Variants in SEC24D observed in about 807,000 individuals in gnomAD.
The protein encoded by SEC24D is protein transport protein Sec24D.
SEC24D carries 69 observed loss-of-function variants against 116.9 expected under a neutral mutation model. The observed-to-expected ratio is 0.59, with a 90% CI of 0.49 to 0.72. The LOEUF is 0.72. SEC24D is among the 30% of genes least tolerant of loss of function. The pLI is 0.00. For synonymous variants in SEC24D, 405 were observed against 442.8 expected, an observed-to-expected ratio of 0.91 and a Z score of 1.07; for missense variants, 1,131 against 1,264.1, an observed-to-expected ratio of 0.89 and a Z score of 1.60.
intron 6 of SEC24D, among the ~76,000 whole-genome samples, chr4:118,807,195 T>G (rs542964653): frequency 6.6e-5 from 10 of 152,274 alleles, no homozygotes; most frequent in Middle Eastern, 6.8e-3. Context: ...TATAAAGCAA[T>G]CCCATGTGGT....
chr4:118,825,917 T>C (rs905937841), intron 2 of SEC24D, among the ~76,000 whole-genome samples: 2 of 152,098 alleles, frequency 1.3e-5, no homozygotes, highest in Admixed American at 6.6e-5. Flanking sequence ...TAGAAAGGAA[T>C]TGACTGATGA....
intron 3 of SEC24D, among the ~76,000 whole-genome samples, chr4:118,821,349 T>C (rs56364904): frequency 0.044 from 6,648 of 152,274 alleles, 197 homozygotes; most frequent in Non-Finnish European, 0.064. Context: ...ACTTGATTGA[T>C]TGAATTTTTA....
intron 8 of SEC24D, among the ~76,000 whole-genome samples, chr4:118,789,157 T>C (rs1056767449): frequency 5.3e-5 from 8 of 152,246 alleles, no homozygotes; most frequent in African/African-American, 1.7e-4. Context: ...ACTTACCAGC[T>C]GGTAACTTTA....
At chr4:118,759,124 G>A (rs745818861) in intron 10 of SEC24D, among the ~76,000 whole-genome samples, 2 of 152,122 alleles carry the variant, frequency 1.3e-5, no homozygotes, top group Non-Finnish European at 2.9e-5. Flanking sequence ...TCTCCAATTT[G>A]CACATTTCTA....
chr4:118,775,783 G>A (rs1056141693), intron 8 of SEC24D, among the ~76,000 whole-genome samples: 1 of 152,118 alleles, frequency 6.6e-6, no homozygotes, highest in Non-Finnish European at 1.5e-5. Flanking sequence ...TTTGAAACTT[G>A]CTTATAAATT....
intron 13 of SEC24D, 92 bp from the exon 14 acceptor site, chr4:118,745,152 A>G (rs2110447505): frequency 2.7e-6 from 2 of 736,628 alleles, no homozygotes; most frequent in East Asian, 4.9e-5. Flanking sequence ...AGTTCTTTCT[A>G]TGAGCTAAGC....
chr4:118,824,550 A>C lies in SEC24D; in HGVS notation c.248+70T>G, dbSNP rs1189078770. On this transcript the variant is annotated intron_variant, in intron 3 of 22. Transcript: ENST00000280551. Reference sequence around the variant, plus strand: ...CAAACTTTCAACCAATAAACATACAAGCTTAGAAGGTATTTCTGAAATAAT... The same window carrying C: ...CAAACTTTCAACCAATAAACATACACGCTTAGAAGGTATTTCTGAAATAAT... 26 of 1,505,994 alleles carry C rather than the reference A, an allele frequency of 1.7e-5. No homozygotes were observed. The African/African-American group carries it at 2.8e-4, about 16-fold the overall frequency. The allele number at this position is 1,505,994 out of a possible 1,614,324, so 93.3% of individuals were successfully genotyped here. A position where few individuals can be genotyped will look rare whatever the true frequency, so the allele number is the denominator to read the frequency against.
chr4:118,828,288 T>C (rs1730674494), intron 2 of SEC24D, among the ~76,000 whole-genome samples: 1 of 152,092 alleles, frequency 6.6e-6, no homozygotes, highest in Admixed American at 6.5e-5. Context: ...TATTTGCGTT[T>C]TTAGTAGAGA....
chr4:118,756,683 A>G (rs1283905840), intron 11 of SEC24D, among the ~76,000 whole-genome samples: 1 of 152,120 alleles, frequency 6.6e-6, no homozygotes, highest in Non-Finnish European at 1.5e-5. Context: ...ACACGTAGGG[A>G]CTAGGTTACA....
chr4:118,728,932 C>T (rs1725543395), intron 21 of SEC24D: 1 of 265,344 alleles, frequency 3.8e-6, no homozygotes, highest in Non-Finnish European at 7.1e-6. Flanking sequence ...CGTAGTCAGC[C>T]CTCTGTATCC....
rs562437112 is a variant in SEC24D at position 118,777,690 on chromosome 4, T to C, written c.1042-9379A>G. On this transcript the variant is annotated intron_variant, in intron 8 of 22. Transcript: ENST00000280551. The stretch of plus-strand genomic sequence containing the variant: ...AGATCCTTGAGGAATCATCACACTG[T>C]CTTCCACAATGGTTGAACTAGTTTA... Among the ~76,000 whole-genome samples, 89 of 152,344 alleles carry C rather than the reference T, an allele frequency of 5.8e-4. 2 individuals carry two copies. In the South Asian group the frequency reaches 0.018, roughly 30 times the overall value.
chr4:118,793,238 C>G (rs1273941412), intron 8 of SEC24D, among the ~76,000 whole-genome samples: 1 of 151,816 alleles, frequency 6.6e-6, no homozygotes, highest in African/African-American at 2.4e-5. Context: ...GAGGCCGAGG[C>G]GGGCGGATCA....
chr4:118,764,894 G>T lies in SEC24D; in HGVS notation c.1204C>A (p.Leu402Met). Reference sequence around the variant, plus strand: ...TCCAGTCTTCTTCCAATGTGGTCCAGATGTTGGAAATAGAATGGTGGAACT... The same window carrying T: ...TCCAGTCTTCTTCCAATGTGGTCCATATGTTGGAAATAGAATGGTGGAACT... Reference protein sequence around the residue: ...NDVPPFYFQHLDHIGRRLDHY... With the variant: ...NDVPPFYFQHMDHIGRRLDHY... The change falls in exon 10 of 23, where the codon CTG becomes ATG. Residue 402 changes from leucine to methionine, a missense_variant. Leu to Met is a conservative substitution (Grantham distance 15). Coordinates refer to ENST00000280551, the MANE Select transcript of SEC24D (RefSeq NM_014822.4). The T allele has an allele frequency of 6.2e-7, 1 of 1,604,948 alleles. No individual in the cohort carries two copies. The highest frequency in any genetic ancestry group is 8.5e-7 in the Non-Finnish European group (1 of 1,172,146).
chr4:118,771,070 C>T (rs1727878640), intron 8 of SEC24D, among the ~76,000 whole-genome samples: 2 of 152,108 alleles, frequency 1.3e-5, no homozygotes, highest in Admixed American at 1.3e-4. Flanking sequence ...AAAGATTTCC[C>T]TTTGCACTCT....
chr4:118,817,385 A>G lies in SEC24D; in HGVS notation c.276T>C (p.Asn92=), dbSNP rs2110526792. ...GGTATGGTGCATGTGAGGATGCCAC[A>G]TTGTTGACAGGTGGAGGGCCTGGAA... ...QRFPGPPPVN[N]VASSHAPYQP... The change falls in exon 4 of 23, where the codon AAT becomes AAC. Residue 92 remains asparagine (N), a synonymous_variant. Transcript: ENST00000280551. 1.2e-6 allele frequency: 2 copies of G among 1,612,008 alleles called. No homozygotes were observed. Among genetic ancestry groups the G allele is most frequent in the Non-Finnish European group, 1.7e-6 (2 of 1,179,042 alleles).
At chr4:118,823,953 G>A (rs1312923947) in intron 3 of SEC24D, among the ~76,000 whole-genome samples, 1 of 152,126 alleles carries the variant, frequency 6.6e-6, no homozygotes, top group Admixed American at 6.5e-5. Flanking sequence ...GCTCAGTTCT[G>A]TGAAGGATCC....
intron 8 of SEC24D, among the ~76,000 whole-genome samples, chr4:118,784,062 G>GACTA (rs1190253213): frequency 1.3e-5 from 2 of 152,218 alleles, no homozygotes; most frequent in Non-Finnish European, 2.9e-5. Context: ...AAACACTGGT[G>GACTA]ACTAACCATC....
intron 7 of SEC24D, among the ~76,000 whole-genome samples, chr4:118,803,301 C>T (rs78125842): frequency 0.016 from 2,364 of 152,280 alleles, 129 homozygotes; most frequent in East Asian, 0.14. Context: ...AAACTACCCA[C>T]AAGTCCCTCA....
chr4:118,805,776 T>C, intron 7 of SEC24D, 67 bp downstream of exon 7: 1 of 853,712 alleles, frequency 1.2e-6, no homozygotes, highest in African/African-American at 1.8e-5. Context: ...AGGGTGTCAG[T>C]GTATTTGCTT....
Sources: gnomAD v4.1 joint callset for allele counts (sites outside exome capture counted in the v4.1 genomes callset) on GRCh38, gnomAD v4.1.1 for gene constraint, MANE v1.5 for transcripts, NCBI Gene and HGNC (gene_info 2026-07-23, HGNC 2026-07-21) for gene names.